The following NDST4 variants were observed in gnomAD, a reference collection of about 807,000 sequenced individuals.
NDST4 encodes N-heparan sulfate sulfotransferase 4.
A neutral mutation model predicts 100.8 loss-of-function variants in NDST4; 63 were observed. The ratio of observed to expected loss-of-function variants is 0.62; its 90% CI spans 0.51 to 0.77. The LOEUF (loss-of-function observed/expected upper bound fraction) is 0.77, where lower values mean the gene tolerates loss of function less well. Among genes scored for constraint, NDST4 ranks in the 30% least tolerant of loss-of-function variants. The pLI is 0.00. For synonymous variants in NDST4, 377 were observed against 361.8 expected, an observed-to-expected ratio of 1.04 and a Z score of -0.48; for missense variants, 943 against 1,018.4, an observed-to-expected ratio of 0.93 and a Z score of 1.01.
At chr4:114,890,229 C>T (rs112584337) in intron 6 of NDST4, among the ~76,000 whole-genome samples, 4 of 151,962 alleles carry the variant, frequency 2.6e-5, no homozygotes, top group Non-Finnish European at 5.9e-5. Flanking sequence ...TTTGTAGACT[C>T]CACATTTGTA....
intron 8 of NDST4, among the ~76,000 whole-genome samples, chr4:114,849,422 T>C (rs1362908888): frequency 1.3e-5 from 2 of 152,204 alleles, no homozygotes; most frequent in Admixed American, 6.5e-5. Context: ...ACAACTATCA[T>C]TGCAAATGGG....
intron 2 of NDST4, among the ~76,000 whole-genome samples, chr4:115,036,113 C>T (rs1728227977): frequency 6.6e-6 from 1 of 151,706 alleles, no homozygotes; most frequent in African/African-American, 2.4e-5. Context: ...TGTAGTAACA[C>T]AAAAATTATT....
chr4:114,885,214 C>T (rs1370437484), intron 6 of NDST4, among the ~76,000 whole-genome samples: 1 of 152,096 alleles, frequency 6.6e-6, no homozygotes, highest in Non-Finnish European at 1.5e-5. Context: ...GTCAACTGTC[C>T]ATTTCCCAGT....
chr4:114,989,957 T>G (rs1727001541), intron 2 of NDST4, among the ~76,000 whole-genome samples: 1 of 152,174 alleles, frequency 6.6e-6, no homozygotes, highest in African/African-American at 2.4e-5. Context: ...AAAATCCCTG[T>G]CTAGCCTTTA....
chr4:115,064,269 T>C (rs1728885015), intron 2 of NDST4, among the ~76,000 whole-genome samples: 1 of 152,016 alleles, frequency 6.6e-6, no homozygotes, highest in East Asian at 1.9e-4. Context: ...AAAATAGACA[T>C]CTTTGCAACT....
At chr4:114,960,007 A>G (rs1726225544) in intron 4 of NDST4, among the ~76,000 whole-genome samples, 2 of 152,210 alleles carry the variant, frequency 1.3e-5, no homozygotes, top group South Asian at 4.1e-4. Flanking sequence ...AATTTTGAAA[A>G]CAAAGGCAAT....
At chr4:114,842,646 A>AAAAAAAAAAAC (rs1723452752) in intron 10 of NDST4, 1 of 272,742 alleles carries the variant, frequency 3.7e-6, no homozygotes, top group Non-Finnish European at 6.9e-6. Flanking sequence ...AAAAAAAAAA[A>AAAAAAAAAAAC]AAAAATTAGC....
chr4:114,857,115 T>C lies in NDST4; in HGVS notation c.1720-4294A>G, dbSNP rs547267974. 3.3e-5 allele frequency among the ~76,000 whole-genome samples: 5 copies of C among 152,318 alleles called. No homozygotes were observed. The East Asian group carries it at 7.7e-4, about 23-fold the overall frequency. Reference sequence around the variant, plus strand: ...TCATGATACTATGGCATCAATGATATAAATGGATGCCTTGTGGAATATCTG... The same window carrying C: ...TCATGATACTATGGCATCAATGATACAAATGGATGCCTTGTGGAATATCTG... On this transcript the variant is annotated intron_variant, in intron 7 of 13. Transcript: ENST00000264363.
intron 4 of NDST4, among the ~76,000 whole-genome samples, chr4:114,942,864 A>G (rs984650657): frequency 1.1e-4 from 17 of 151,790 alleles, no homozygotes; most frequent in African/African-American, 3.9e-4. Context: ...TCATAATCTC[A>G]TAAAATACTG....
chr4:114,975,036 T>G (rs913853022), intron 3 of NDST4, among the ~76,000 whole-genome samples: 1 of 152,062 alleles, frequency 6.6e-6, no homozygotes, highest in African/African-American at 2.4e-5. Flanking sequence ...GGAATGCACC[T>G]CCTTGATTTG....
chr4:115,021,567 T>TA (rs1560863533), intron 2 of NDST4, among the ~76,000 whole-genome samples: 5 of 48,248 alleles, frequency 1.0e-4, no homozygotes, highest in Non-Finnish European at 2.1e-4. Context: ...ATACACACGT[T>TA]CCACATATAC....
intron 2 of NDST4, among the ~76,000 whole-genome samples, chr4:115,044,772 A>G (rs189039696): frequency 1.3e-5 from 2 of 151,726 alleles, no homozygotes; most frequent in Non-Finnish European, 2.9e-5. Context: ...ATAATACAAT[A>G]TAATTATGTA....
chr4:115,096,441 C>A (rs557654073), intron 1 of NDST4, among the ~76,000 whole-genome samples: 6 of 152,026 alleles, frequency 3.9e-5, no homozygotes, highest in African/African-American at 1.4e-4. Context: ...CTTTCCTTTT[C>A]ATTGTTCTCA....
intron 2 of NDST4, among the ~76,000 whole-genome samples, chr4:115,018,173 T>C (rs1249813363): frequency 1.3e-5 from 2 of 151,870 alleles, no homozygotes; most frequent in Non-Finnish European, 2.9e-5. Context: ...CTACTAATAA[T>C]TTATACTCAA....
intron 1 of NDST4, among the ~76,000 whole-genome samples, chr4:115,096,452 T>G (rs1290574054): frequency 6.6e-6 from 1 of 152,072 alleles, no homozygotes; most frequent in Non-Finnish European, 1.5e-5. Context: ...ATTGTTCTCA[T>G]CTGATAATCT....
At chr4:115,066,182 T>C (rs1464417563) in intron 2 of NDST4, among the ~76,000 whole-genome samples, 1 of 152,200 alleles carries the variant, frequency 6.6e-6, no homozygotes, top group Non-Finnish European at 1.5e-5. Flanking sequence ...CATATTTGTA[T>C]GAACTCTATA....
At chr4:115,060,980 CAAAA>C (rs1348420336) in intron 2 of NDST4, among the ~76,000 whole-genome samples, 1 of 151,644 alleles carries the variant, frequency 6.6e-6, no homozygotes, top group African/African-American at 2.4e-5. Context: ...CAAGAAAAAA[CAAAA>C]AACCTCAACA....
At chr4:115,052,454 A>G (rs889798837) in intron 2 of NDST4, among the ~76,000 whole-genome samples, 4 of 152,116 alleles carry the variant, frequency 2.6e-5, no homozygotes, top group Non-Finnish European at 4.4e-5. Flanking sequence ...CTTATCTCCC[A>G]TAATTCCCGT....
At chr4:115,094,082 G>A (rs769951075) in intron 1 of NDST4, among the ~76,000 whole-genome samples, 19 of 151,796 alleles carry the variant, frequency 1.3e-4, no homozygotes, top group Admixed American at 2.6e-4. Flanking sequence ...AAATGAAAAA[G>A]AGAAAGTAAA....
Sources: allele counts gnomAD v4.1 joint callset (sites outside exome capture counted in the v4.1 genomes callset), GRCh38; gene constraint gnomAD v4.1.1; transcripts MANE v1.5; gene names NCBI Gene and HGNC (gene_info 2026-07-23, HGNC 2026-07-21).